Variants in EPB41L4A observed in about 807,000 individuals in gnomAD.
EPB41L4A encodes the protein band 4.1-like protein 4A.
A neutral mutation model predicts 108.6 loss-of-function variants in EPB41L4A; 100 were observed. That is an observed-to-expected ratio of 0.92 (90% CI 0.78 to 1.09). EPB41L4A has a LOEUF of 1.09. Among genes scored for constraint, EPB41L4A ranks in the 50% least tolerant of loss-of-function variants. EPB41L4A has a pLI of 0.00. For synonymous variants in EPB41L4A, 319 were observed against 289.0 expected, an observed-to-expected ratio of 1.10 and a Z score of -1.05; for missense variants, 1,030 against 842.7, an observed-to-expected ratio of 1.22 and a Z score of -2.75.
chr5:112,286,066 C>T (rs1489862400), intron 2 of EPB41L4A, among the ~76,000 whole-genome samples: 2 of 152,080 alleles, frequency 1.3e-5, no homozygotes, highest in African/African-American at 2.4e-5. Flanking sequence ...TTACTCTCAA[C>T]TAATACTCTT....
intron 1 of EPB41L4A, among the ~76,000 whole-genome samples, chr5:112,398,630 C>T (rs1265634204): frequency 1.3e-5 from 2 of 152,090 alleles, no homozygotes; most frequent in Non-Finnish European, 2.9e-5. Context: ...CTCAAGTGAT[C>T]CTCCTGCCTC....
At chr5:112,147,040 A>G (rs936866693) in intron 12 of EPB41L4A, among the ~76,000 whole-genome samples, 1 of 152,230 alleles carries the variant, frequency 6.6e-6, no homozygotes, top group Non-Finnish European at 1.5e-5. Flanking sequence ...TATTCCAATT[A>G]AAGTGTAATC....
chr5:112,228,684 C>G (rs187005151), intron 12 of EPB41L4A: 435 of 984,570 alleles, frequency 4.4e-4, no homozygotes, highest in Middle Eastern at 5.2e-4. Flanking sequence ...CAGAGACGAT[C>G]TCCTTTGACA....
chr5:112,150,075 G>C (rs905092004), intron 12 of EPB41L4A, among the ~76,000 whole-genome samples: 3 of 152,246 alleles, frequency 2.0e-5, no homozygotes, highest in African/African-American at 7.2e-5. Context: ...ATAAAACAGG[G>C]AGGAAAGTTT....
intron 15 of EPB41L4A, among the ~76,000 whole-genome samples, chr5:112,203,400 C>A (rs1315114982): frequency 2.0e-5 from 3 of 151,972 alleles, no homozygotes; most frequent in Non-Finnish European, 2.9e-5. Flanking sequence ...AGGAAAAAGT[C>A]ATTTATACAA....
intron 18 of EPB41L4A, chr5:112,183,244 A>G (rs1381685989): frequency 1.3e-5 from 2 of 152,164 alleles, no homozygotes; most frequent in African/African-American, 4.8e-5. Context: ...CCACTACCCA[A>G]CATCCTTTCA....
intron 1 of EPB41L4A, among the ~76,000 whole-genome samples, chr5:112,316,360 C>T (rs1755427321): frequency 6.6e-6 from 1 of 152,132 alleles, no homozygotes; most frequent in African/African-American, 2.4e-5. Context: ...AGTATTTTGA[C>T]CACAATACAT....
chr5:112,167,188 A>G (rs1207869184), intron 22 of EPB41L4A, among the ~76,000 whole-genome samples: 1 of 151,192 alleles, frequency 6.6e-6, no homozygotes, highest in African/African-American at 2.4e-5. Flanking sequence ...CCTAGGAGGT[A>G]GGTTATCTAC....
At chr5:112,260,517 C>G (rs183211559) in intron 7 of EPB41L4A, among the ~76,000 whole-genome samples, 48 of 152,274 alleles carry the variant, frequency 3.2e-4, no homozygotes, top group Non-Finnish European at 4.9e-4. Context: ...CCACTGCATC[C>G]CCACCCCAAC....
At chr5:112,233,643 G>A (rs79218348) in intron 12 of EPB41L4A, among the ~76,000 whole-genome samples, 1 of 151,894 alleles carries the variant, frequency 6.6e-6, no homozygotes, top group Non-Finnish European at 1.5e-5. Context: ...AAACTCCCAG[G>A]CTCAAGCGAT....
At chr5:112,299,495 G>A (rs938916905) in intron 2 of EPB41L4A, among the ~76,000 whole-genome samples, 3 of 152,126 alleles carry the variant, frequency 2.0e-5, no homozygotes, top group African/African-American at 4.8e-5. Flanking sequence ...TGAATAAAAT[G>A]TATATTCTGA....
At chr5:112,390,318 C>A (rs1475960903) in intron 1 of EPB41L4A, among the ~76,000 whole-genome samples, 1 of 152,182 alleles carries the variant, frequency 6.6e-6, no homozygotes, top group Admixed American at 6.5e-5. Context: ...CAGACTGTAC[C>A]TGGAAAATGA....
intron 11 of EPB41L4A, among the ~76,000 whole-genome samples, chr5:112,237,559 C>T (rs1749439502): frequency 6.6e-6 from 1 of 152,084 alleles, no homozygotes; most frequent in African/African-American, 2.4e-5. Flanking sequence ...ACTGCAGCCA[C>T]CTGTTAAGCT....
intron 17 of EPB41L4A, among the ~76,000 whole-genome samples, chr5:112,189,248 G>A (rs995017121): frequency 2.0e-5 from 3 of 152,218 alleles, no homozygotes; most frequent in Non-Finnish European, 4.4e-5. Context: ...AGTGCTGGAT[G>A]TTATCAATTT....
At chr5:112,204,645 AAAG>A in intron 14 of EPB41L4A, 157 bp from the exon 15 acceptor site, 1 of 494,994 alleles carries the variant, frequency 2.0e-6, no homozygotes, top group Non-Finnish European at 3.7e-6. Flanking sequence ...TATTAAAAGA[AAAG>A]AGGTAAGATC....
intron 12 of EPB41L4A, among the ~76,000 whole-genome samples, chr5:112,230,403 A>AT (rs1748809691): frequency 6.6e-6 from 1 of 151,644 alleles, no homozygotes; most frequent in Admixed American, 6.6e-5. Context: ...TATTTTTTTT[A>AT]TTTTTTAATT....
intron 4 of EPB41L4A, among the ~76,000 whole-genome samples, chr5:112,271,142 G>C (rs1752236840): frequency 6.6e-6 from 1 of 152,100 alleles, no homozygotes; most frequent in African/African-American, 2.4e-5. Context: ...TGAAGTGTAA[G>C]GGCATTCTGT....
At chr5:112,180,872 ACAAT>A (rs1761112027) in intron 18 of EPB41L4A, among the ~76,000 whole-genome samples, 1 of 152,250 alleles carries the variant, frequency 6.6e-6, no homozygotes. Context: ...AAAAGGACAA[ACAAT>A]CCAATTAAAC....
At chr5:112,203,095 G>A (rs778728627) in intron 15 of EPB41L4A, among the ~76,000 whole-genome samples, 6 of 151,632 alleles carry the variant, frequency 4.0e-5, no homozygotes, top group South Asian at 2.1e-4. Flanking sequence ...GGCCGGGCGC[G>A]GTGACTCATG....
Sources: gnomAD v4.1 joint callset for allele counts (sites outside exome capture counted in the v4.1 genomes callset) on GRCh38, gnomAD v4.1.1 for gene constraint, MANE v1.5 for transcripts, NCBI Gene and HGNC (gene_info 2026-07-23, HGNC 2026-07-21) for gene names.